DHRSX: variants seen among roughly 807,000 people sequenced by gnomAD.
The protein encoded by DHRSX is dehydrogenase/reductase X-linked, also known as polyprenol dehydrogenase.
Under a neutral mutation model 34.0 loss-of-function variants are expected in DHRSX, and 31 were observed. The ratio of observed to expected loss-of-function variants is 0.91; its 90% CI spans 0.69 to 1.23. The LOEUF (loss-of-function observed/expected upper bound fraction) is 1.23. DHRSX is among the 50% of genes most tolerant of loss of function. The probability of loss-of-function intolerance (pLI) is 0.00; values close to 1 mark genes in which losing one functional copy is unlikely to be tolerated. For missense variants in DHRSX, 414 were observed against 428.1 expected (o/e 0.97, Z 0.29); for synonymous variants, 201 against 183.8 (o/e 1.09, Z -0.76).
intron 5 of DHRSX, among the ~76,000 whole-genome samples, chrX:2,248,437 A>AAAAAAG (rs1556433374): frequency 1.3e-5 from 2 of 149,988 alleles, no homozygotes; most frequent in Non-Finnish European, 3.0e-5. Context: ...TGTCTCAAAA[A>AAAAAAG]AAAAAAGAAA....
chrX:2,474,300 C>T (rs952372527), intron 1 of DHRSX, among the ~76,000 whole-genome samples: 1 of 152,008 alleles, frequency 6.6e-6, no homozygotes, highest in African/African-American at 2.4e-5. Context: ...TCAAGACAAT[C>T]CCTAAGCATG....
intron 1 of DHRSX, among the ~76,000 whole-genome samples, chrX:2,478,010 T>C (rs1478809808): frequency 6.6e-6 from 1 of 152,188 alleles, no homozygotes; most frequent in Admixed American, 6.5e-5. Flanking sequence ...AAGTCTCTGA[T>C]AGGATGGGGG....
intron 1 of DHRSX, among the ~76,000 whole-genome samples, chrX:2,471,424 G>T (rs181220896): frequency 6.6e-6 from 1 of 151,952 alleles, no homozygotes; most frequent in Non-Finnish European, 1.5e-5. Context: ...AAAATTAGCC[G>T]GGTGTGGTGG....
intron 3 of DHRSX, among the ~76,000 whole-genome samples, chrX:2,295,844 T>C (rs2041925289): frequency 6.6e-6 from 1 of 152,160 alleles, no homozygotes; most frequent in South Asian, 2.1e-4. Context: ...CATGTGGCAA[T>C]ACCGAAGCAC....
At chrX:2,391,430 C>G (rs184394158) in intron 3 of DHRSX, among the ~76,000 whole-genome samples, 2 of 152,300 alleles carry the variant, frequency 1.3e-5, no homozygotes, top group East Asian at 3.9e-4. Flanking sequence ...CAAGGCATAA[C>G]CCAAGATTTA....
chrX:2,328,593 G>A (rs1354832707), intron 3 of DHRSX, among the ~76,000 whole-genome samples: 3 of 145,290 alleles, frequency 2.1e-5, no homozygotes, highest in East Asian at 2.1e-4. Flanking sequence ...ACAGAGGGGC[G>A]ACCCTATGAG....
At chrX:2,416,175 C>A (rs73173708) in intron 2 of DHRSX, among the ~76,000 whole-genome samples, 1 of 151,854 alleles carries the variant, frequency 6.6e-6, no homozygotes, top group African/African-American at 2.4e-5. Flanking sequence ...CTGACCAACA[C>A]AACTAGTCCT....
At chrX:2,334,476 T>C (rs1242670955) in intron 3 of DHRSX, 1 of 151,524 alleles carries the variant, frequency 6.6e-6, no homozygotes, top group Non-Finnish European at 1.5e-5. Context: ...CTTTAAGAGA[T>C]AAGGTCTTGG....
chrX:2,276,756 G>C (rs768494196), intron 4 of DHRSX, among the ~76,000 whole-genome samples: 3 of 151,386 alleles, frequency 2.0e-5, no homozygotes, highest in Non-Finnish European at 2.9e-5. Flanking sequence ...AGGAGAGAGA[G>C]AGGGAGGGCA....
intron 1 of DHRSX, among the ~76,000 whole-genome samples, chrX:2,435,932 C>T (rs1255011124): frequency 2.0e-5 from 3 of 152,204 alleles, no homozygotes; most frequent in South Asian, 2.1e-4. Flanking sequence ...CAGTGGCTCA[C>T]GCCTGTAATC....
intron 3 of DHRSX, among the ~76,000 whole-genome samples, chrX:2,372,406 C>A (rs937753883): frequency 6.6e-6 from 1 of 152,044 alleles, no homozygotes; most frequent in African/African-American, 2.4e-5. Context: ...TCACACGAAC[C>A]GCTGGGGGAA....
intron 4 of DHRSX, among the ~76,000 whole-genome samples, chrX:2,268,967 AT>A (rs1354017234): frequency 1.3e-5 from 2 of 152,230 alleles, no homozygotes; most frequent in African/African-American, 4.8e-5. Context: ...ACACACACCT[AT>A]CCATTTGCAT....
chrX:2,335,059 C>T (rs1322362688), intron 3 of DHRSX: 1 of 151,770 alleles, frequency 6.6e-6, no homozygotes, highest in Non-Finnish European at 1.5e-5. Context: ...GTGGCGGGCA[C>T]CTGTAATCCC....
At chrX:2,346,738 T>G (rs766423443) in intron 3 of DHRSX, among the ~76,000 whole-genome samples, 8 of 152,082 alleles carry the variant, frequency 5.3e-5, no homozygotes, top group South Asian at 4.2e-4. Flanking sequence ...CCATGGTGGT[T>G]TGCTGCACCT....
chrX:2,410,301 G>A lies in DHRSX; in HGVS notation c.218-1488C>T, dbSNP rs757819644. Among the ~76,000 whole-genome samples the A allele has an allele frequency of 5.3e-5, 8 of 152,270 alleles. No individual in the cohort carries two copies. In the South Asian group the frequency reaches 1.5e-3, roughly 28 times the overall value. On this transcript the variant is annotated intron_variant, in intron 2 of 6. Coordinates refer to ENST00000334651, the MANE Select transcript of DHRSX (RefSeq NM_145177.3). Reference sequence around the variant, plus strand: ...TTTCAGGGAGGGTCACGGAAAAAGTGTTGAGAGAAGGGAGATGAGAACTAG... The same window carrying A: ...TTTCAGGGAGGGTCACGGAAAAAGTATTGAGAGAAGGGAGATGAGAACTAG...
intron 3 of DHRSX, among the ~76,000 whole-genome samples, chrX:2,386,772 C>T (rs1569496153): frequency 6.6e-6 from 1 of 151,862 alleles, no homozygotes. Context: ...CTTTCTTGTT[C>T]CAATTCATGC....
chrX:2,233,331 C>A (rs1189303353), intron 6 of DHRSX, among the ~76,000 whole-genome samples: 1 of 150,364 alleles, frequency 6.7e-6, no homozygotes, highest in Admixed American at 6.6e-5. Context: ...GTAAATCATG[C>A]TCCCTGTGGC....
intron 3 of DHRSX, among the ~76,000 whole-genome samples, chrX:2,398,067 A>C (rs1012439345): frequency 1.3e-5 from 2 of 152,092 alleles, no homozygotes; most frequent in Non-Finnish European, 2.9e-5. Context: ...GGGTCTGGAG[A>C]AGGATTACAC....
intron 1 of DHRSX, 67 bp downstream of exon 1, chrX:2,500,744 GCGCCCC>G (rs2045406598): frequency 2.3e-6 from 1 of 440,822 alleles, no homozygotes. Context: ...CGGAGCCCCC[GCGCCCC>G]CGCCCCCGAG....
Sources: allele counts gnomAD v4.1 joint callset (sites outside exome capture counted in the v4.1 genomes callset), GRCh38; gene constraint gnomAD v4.1.1; transcripts MANE v1.5; gene names NCBI Gene and HGNC (gene_info 2026-07-23, HGNC 2026-07-21).